ZNF438: variants seen among roughly 807,000 people sequenced by gnomAD.
ZNF438 encodes the protein zinc finger protein 438.
ZNF438 carries 25 observed loss-of-function variants against 38.0 expected under a neutral mutation model. The ratio of observed to expected loss-of-function variants is 0.66; its 90% confidence interval spans 0.48 to 0.92. The LOEUF is 0.92. ZNF438 is among the 40% of genes least tolerant of loss of function. The pLI, the probability that ZNF438 is intolerant of heterozygous loss-of-function variation, is 0.00. For missense variants in ZNF438, 1,007 were observed against 999.6 expected (o/e 1.01, Z -0.10); for synonymous variants, 372 against 364.1 (o/e 1.02, Z -0.25).
At chr10:30,996,105 T>C (rs1362823432) in intron 1 of ZNF438, among the ~76,000 whole-genome samples, 3 of 152,064 alleles carry the variant, frequency 2.0e-5, no homozygotes, top group Non-Finnish European at 4.4e-5. Context: ...TCAAAATATA[T>C]ATTTTTAAAA....
At chr10:30,896,082 A>G (rs2041292442) in intron 3 of ZNF438, among the ~76,000 whole-genome samples, 1 of 152,084 alleles carries the variant, frequency 6.6e-6, no homozygotes, top group Non-Finnish European at 1.5e-5. Flanking sequence ...GGGGCAGATC[A>G]TGTCAGATCA....
rs953729793 is a variant in ZNF438, at chr10:30,845,900, G to A, written c.1875-327C>T. Among the ~76,000 whole-genome samples the A allele has an allele frequency of 6.6e-5, 10 of 152,176 alleles. No individual in the cohort carries two copies. The East Asian group carries it at 9.6e-4, about 15-fold the overall frequency. On this transcript the variant is annotated intron_variant, in intron 5 of 5. Coordinates refer to ENST00000413025, the Ensembl canonical transcript of ZNF438. ...ACGTGGAAGAGTCACGTAAGAGCGC[G>A]TGAAGGGCACGGGAACACCCTCGGT...
intron 2 of ZNF438, among the ~76,000 whole-genome samples, chr10:30,936,013 G>A (rs748062666): frequency 1.3e-5 from 2 of 152,114 alleles, no homozygotes; most frequent in Non-Finnish European, 2.9e-5. Context: ...TATAGAAGAG[G>A]TGAAGCCGGT....
At chr10:30,862,447 T>C (rs2035746283) in intron 4 of ZNF438, among the ~76,000 whole-genome samples, 1 of 152,068 alleles carries the variant, frequency 6.6e-6, no homozygotes, top group Non-Finnish European at 1.5e-5. Context: ...GAACAACACA[T>C]GCACACCACC....
rs534954386 is a variant in ZNF438 at position 30,969,136 on chromosome 10, C to T, written c.-191-27485G>A. 6.6e-5 allele frequency among the ~76,000 whole-genome samples: 10 copies of T among 151,486 alleles called. No homozygotes were observed. In the South Asian group the frequency reaches 2.1e-3, roughly 32 times the overall value. ...ATAACTTCAGGCTAGAGATGGTTTG[C>T]CACAGAGTAAGTCAAAAAAAATAAA... On this transcript the variant is annotated intron_variant, in intron 1 of 5. Coordinates refer to ENST00000413025, the Ensembl canonical transcript of ZNF438.
At chr10:30,891,995 G>A (rs1229777000) in intron 3 of ZNF438, among the ~76,000 whole-genome samples, 1 of 152,146 alleles carries the variant, frequency 6.6e-6, no homozygotes, top group African/African-American at 2.4e-5. Context: ...CTGATACTTA[G>A]CAGCAAAATA....
intron 4 of ZNF438, among the ~76,000 whole-genome samples, chr10:30,864,931 A>G (rs2036177991): frequency 6.6e-6 from 1 of 152,246 alleles, no homozygotes; most frequent in African/African-American, 2.4e-5. Flanking sequence ...AATTCTTGGT[A>G]TTAACACCTC....
rs74491280 is a variant in ZNF438, at chr10:31,001,658, A to C, written c.-192+30175T>G. On this transcript the variant is annotated intron_variant, in intron 1 of 5. Transcript: ENST00000413025. Reference sequence around the variant, plus strand: ...TAATGCAGTTGAAATTACACTAAACATATCATTCTGTATTTGGTTACAAAA... The same window carrying C: ...TAATGCAGTTGAAATTACACTAAACCTATCATTCTGTATTTGGTTACAAAA... 5.9e-3 allele frequency among the ~76,000 whole-genome samples: 894 copies of C among 152,350 alleles called. 9 individuals are homozygous for C. Among genetic ancestry groups the C allele is most frequent in the African/African-American group, 0.021 (863 of 41,576 alleles).
intron 1 of ZNF438, among the ~76,000 whole-genome samples, chr10:30,957,646 T>A (rs375623157): frequency 2.6e-5 from 4 of 152,184 alleles, no homozygotes; most frequent in East Asian, 3.8e-4. Context: ...AGCATGTTCA[T>A]CAATCAGCTG....
At chr10:30,869,408 G>A (rs10826882) in intron 4 of ZNF438, among the ~76,000 whole-genome samples, 88,972 of 151,200 alleles carry the variant, frequency 0.59, 26,389 homozygotes, top group African/African-American at 0.63. Context: ...AAAAGAAAGA[G>A]GAAAGAAAGA....
intron 4 of ZNF438, among the ~76,000 whole-genome samples, chr10:30,855,365 G>T (rs1172920918): frequency 1.3e-5 from 2 of 152,216 alleles, no homozygotes; most frequent in African/African-American, 4.8e-5. Context: ...TGCTGGGGTT[G>T]AAAGTCTTAT....
chr10:30,867,524 G>A (rs139648724), intron 4 of ZNF438, among the ~76,000 whole-genome samples: 2 of 152,252 alleles, frequency 1.3e-5, no homozygotes, highest in East Asian at 3.9e-4. Context: ...ACCCATACAA[G>A]CAAATGCTCT....
intron 4 of ZNF438, among the ~76,000 whole-genome samples, chr10:30,860,820 T>C (rs534821716): frequency 6.6e-6 from 1 of 152,228 alleles, no homozygotes; most frequent in Non-Finnish European, 1.5e-5. Context: ...GGCCAACTGT[T>C]GGTCTTAAAC....
At chr10:30,864,161 G>C (rs1286182022) in intron 4 of ZNF438, among the ~76,000 whole-genome samples, 3 of 152,106 alleles carry the variant, frequency 2.0e-5, no homozygotes, top group African/African-American at 7.2e-5. Flanking sequence ...TTTTGTCTTT[G>C]ATTATGCCAC....
At chr10:30,949,101 T>A (rs1292040050) in intron 1 of ZNF438, among the ~76,000 whole-genome samples, 2 of 152,138 alleles carry the variant, frequency 1.3e-5, no homozygotes, top group African/African-American at 2.4e-5. Flanking sequence ...ATATTCAACA[T>A]TCTTAAAGAC....
At chr10:30,996,382 A>G (rs1210149096) in intron 1 of ZNF438, among the ~76,000 whole-genome samples, 2 of 152,152 alleles carry the variant, frequency 1.3e-5, no homozygotes, top group Non-Finnish European at 2.9e-5. Flanking sequence ...TTTAGGTTCA[A>G]TCATACAAAT....
rs1418476653 is a variant in ZNF438 at position 30,936,502 on chromosome 10, C to T, written c.-115+5073G>A. ...CAGCCTGGCCAAGATGGTGAAACCCCGTCTCTACTAAAAATACAAAAATTA... is the reference window on the plus strand; with the variant it reads ...CAGCCTGGCCAAGATGGTGAAACCCTGTCTCTACTAAAAATACAAAAATTA... On this transcript the variant is annotated intron_variant, in intron 2 of 5. Transcript: ENST00000413025. Among the ~76,000 whole-genome samples the T allele has an allele frequency of 4.6e-5, 7 of 151,850 alleles. No homozygotes were observed. The East Asian group carries it at 7.7e-4, about 17-fold the overall frequency.
At chr10:30,946,803 T>C in intron 1 of ZNF438, among the ~76,000 whole-genome samples, 1 of 152,214 alleles carries the variant, frequency 6.6e-6, no homozygotes, top group East Asian at 1.9e-4. Context: ...TTTCCCTTTT[T>C]TTCCTGCCAT....
chr10:30,873,740 A>G (rs2037865664), intron 4 of ZNF438, among the ~76,000 whole-genome samples: 1 of 152,210 alleles, frequency 6.6e-6, no homozygotes, highest in African/African-American at 2.4e-5. Context: ...GATTCTTCAT[A>G]GCATCTGATA....
Sources: allele counts gnomAD v4.1 joint callset (sites outside exome capture counted in the v4.1 genomes callset), GRCh38; gene constraint gnomAD v4.1.1; transcripts MANE v1.5; gene names NCBI Gene and HGNC (gene_info 2026-07-23, HGNC 2026-07-21).